The following TMEM132C variants were observed in gnomAD, a reference collection of about 807,000 sequenced individuals.
The protein encoded by TMEM132C is transmembrane protein 132C, also known as protein phosphatase 1, regulatory subunit 152.
In TMEM132C, 29 loss-of-function variants were observed where a neutral mutation model predicts 61.4. That is an observed-to-expected ratio of 0.47 (90% CI 0.35 to 0.64). The LOEUF is 0.64. Ranked by LOEUF, TMEM132C falls within the 30% of genes least tolerant of loss-of-function variation. The pLI is 0.00. For missense variants in TMEM132C, 1,408 were observed against 1,476.9 expected, an observed-to-expected ratio of 0.95 and a Z score of 0.76; for synonymous variants, 656 against 633.1, an observed-to-expected ratio of 1.04 and a Z score of -0.54.
chr12:128,695,693 C>T (rs1305385448), intron 6 of TMEM132C, 137 bp from the exon 7 acceptor site: 1 of 865,332 alleles, frequency 1.2e-6, no homozygotes, highest in Non-Finnish European at 1.7e-6. Context: ...TAGAGATAGG[C>T]TTGGTGCCCC....
At chr12:128,532,964 C>G (rs1005783292) in intron 2 of TMEM132C, among the ~76,000 whole-genome samples, 1 of 152,190 alleles carries the variant, frequency 6.6e-6, no homozygotes, top group Non-Finnish European at 1.5e-5. Flanking sequence ...TACTGAAAAC[C>G]CACAGCCCCC....
At chr12:128,376,416 A>T (rs551226858) in intron 1 of TMEM132C, among the ~76,000 whole-genome samples, 2 of 152,278 alleles carry the variant, frequency 1.3e-5, no homozygotes, top group South Asian at 4.1e-4. Flanking sequence ...TGATAGGTTT[A>T]AAAAAAGGCC....
chr12:128,271,992 A>G (rs1030128966), intron 1 of TMEM132C, among the ~76,000 whole-genome samples: 4 of 152,256 alleles, frequency 2.6e-5, no homozygotes, highest in Non-Finnish European at 5.9e-5. Flanking sequence ...TCTGATCGAT[A>G]GAACATTTTT....
chr12:128,350,502 G>A (rs543604661), intron 1 of TMEM132C, among the ~76,000 whole-genome samples: 2 of 152,274 alleles, frequency 1.3e-5, no homozygotes, highest in Admixed American at 1.3e-4. Context: ...GAGCTGTCCA[G>A]GTGAGGGGAC....
intron 4 of TMEM132C, among the ~76,000 whole-genome samples, chr12:128,653,585 T>A (rs1954294816): frequency 6.6e-6 from 1 of 152,170 alleles, no homozygotes; most frequent in Non-Finnish European, 1.5e-5. Context: ...CTGACCTCCA[T>A]ACTTAGTAGC....
chr12:128,698,942 G>C (rs1391944303), intron 8 of TMEM132C, among the ~76,000 whole-genome samples: 4 of 152,174 alleles, frequency 2.6e-5, no homozygotes, highest in African/African-American at 7.2e-5. Flanking sequence ...CAAAGCAGAG[G>C]CATGATGATG....
chr12:128,522,417 G>A (rs866473967), intron 2 of TMEM132C, among the ~76,000 whole-genome samples: 58 of 152,338 alleles, frequency 3.8e-4, no homozygotes, highest in African/African-American at 1.3e-3. Flanking sequence ...CTTCTCTGCA[G>A]TTGTCCCTAG....
chr12:128,474,291 G>A (rs148870405), intron 2 of TMEM132C, among the ~76,000 whole-genome samples: 5 of 152,242 alleles, frequency 3.3e-5, no homozygotes, highest in African/African-American at 1.2e-4. Context: ...GGTCTGGCAG[G>A]TTTTCTTCAG....
At chr12:128,421,630 T>A (rs1016929422) in intron 2 of TMEM132C, among the ~76,000 whole-genome samples, 1 of 152,270 alleles carries the variant, frequency 6.6e-6, no homozygotes, top group Non-Finnish European at 1.5e-5. Context: ...AGAAGCAGAC[T>A]GGATTTTGTT....
intron 5 of TMEM132C, among the ~76,000 whole-genome samples, chr12:128,692,253 T>C (rs555704240): frequency 6.6e-6 from 1 of 152,390 alleles, no homozygotes; most frequent in East Asian, 1.9e-4. Flanking sequence ...TGTGCATTCA[T>C]CCATCTGTTC....
intron 1 of TMEM132C, among the ~76,000 whole-genome samples, chr12:128,369,065 T>G (rs1873954367): frequency 6.6e-6 from 1 of 152,228 alleles, no homozygotes; most frequent in Non-Finnish European, 1.5e-5. Context: ...TTTTACTTAT[T>G]GGAATACTGG....
chr12:128,396,200 T>A (rs1874949320), intron 1 of TMEM132C, among the ~76,000 whole-genome samples: 1 of 152,196 alleles, frequency 6.6e-6, no homozygotes, highest in African/African-American at 2.4e-5. Flanking sequence ...ATAATTGACA[T>A]TGTTCTGTAA....
chr12:128,391,721 T>C (rs1874769915), intron 1 of TMEM132C, among the ~76,000 whole-genome samples: 2 of 152,192 alleles, frequency 1.3e-5, no homozygotes, highest in Admixed American at 1.3e-4. Flanking sequence ...ATGAACCTCC[T>C]TGCTTTAGGT....
intron 1 of TMEM132C, among the ~76,000 whole-genome samples, chr12:128,328,695 G>C (rs1375186222): frequency 6.6e-6 from 1 of 151,090 alleles, no homozygotes; most frequent in African/African-American, 2.4e-5. Context: ...GCTGAGGTAG[G>C]AGACTCGCTT....
At chr12:128,289,882 A>G (rs906045953) in intron 1 of TMEM132C, among the ~76,000 whole-genome samples, 2 of 152,216 alleles carry the variant, frequency 1.3e-5, no homozygotes, top group Non-Finnish European at 2.9e-5. Flanking sequence ...GCATGTTTAA[A>G]GGTCCTATGT....
chr12:128,438,097 T>C (rs1037674204), intron 2 of TMEM132C: 2 of 152,208 alleles, frequency 1.3e-5, no homozygotes, highest in African/African-American at 4.8e-5. Context: ...TTAGCTCTTT[T>C]AGTCCTCAAG....
At position 128,405,797 on chromosome 12, in the gene TMEM132C, G is replaced by A. The variant is rs1330405507; in HGVS notation, c.86-8935G>A. ...ATTATCTGGTTCATGTCATGAGATT[G>A]AGGGAGGTGTGAAGCTTAGGAAACA... On this transcript the variant is annotated intron_variant, in intron 1 of 8. Coordinates refer to ENST00000435159, the MANE Select transcript of TMEM132C (RefSeq NM_001136103.3). 2.0e-5 allele frequency among the ~76,000 whole-genome samples: 3 copies of A among 152,208 alleles called. No homozygotes were observed. In the East Asian group the frequency reaches 5.8e-4, roughly 29 times the overall value.
chr12:128,483,571 G>A (rs1206274958), intron 2 of TMEM132C, among the ~76,000 whole-genome samples: 1 of 152,072 alleles, frequency 6.6e-6, no homozygotes, highest in Non-Finnish European at 1.5e-5. Context: ...GTAAAATGCA[G>A]TTGCTATAAG....
intron 2 of TMEM132C, among the ~76,000 whole-genome samples, chr12:128,424,377 A>G (rs1214416769): frequency 6.6e-6 from 1 of 152,004 alleles, no homozygotes; most frequent in Admixed American, 6.6e-5. Context: ...GCAATGATAT[A>G]TTATTCAGCC....
Sources: gnomAD v4.1 joint callset for allele counts (sites outside exome capture counted in the v4.1 genomes callset) on GRCh38, gnomAD v4.1.1 for gene constraint, MANE v1.5 for transcripts, NCBI Gene and HGNC (gene_info 2026-07-23, HGNC 2026-07-21) for gene names.